The following PNLDC1 variants were observed in gnomAD, a reference collection of about 807,000 sequenced individuals.
PNLDC1 encodes PARN like ribonuclease domain containing exonuclease 1.
In PNLDC1, 70 loss-of-function variants were observed where a neutral mutation model predicts 82.0. The observed-to-expected ratio is 0.85, with a 90% CI of 0.70 to 1.04. The LOEUF (loss-of-function observed/expected upper bound fraction) is 1.04, where lower values mean the gene tolerates loss of function less well. Ranked by LOEUF, PNLDC1 falls within the 50% of genes least tolerant of loss-of-function variation. PNLDC1 has a pLI of 0.00. For synonymous variants in PNLDC1, 280 were observed against 249.3 expected (o/e 1.12, Z -1.16); for missense variants, 631 against 661.1 (o/e 0.95, Z 0.50).
rs560895797 is a variant in PNLDC1 at position 159,806,169 on chromosome 6, T to A, written c.562+86T>A. The stretch of plus-strand genomic sequence containing the variant: ...GGAGTTGGGGGAAACACACCCTTTC[T>A]TGGGATCCTGGTCCCAAGTGCCTCA... On this transcript the variant is annotated intron_variant, in intron 7 of 18. Coordinates refer to ENST00000392167, the MANE Select transcript of PNLDC1 (RefSeq NM_001271862.2). 3 of 1,041,824 alleles carry A rather than the reference T, an allele frequency of 2.9e-6. No homozygotes were observed. In the South Asian group the frequency reaches 3.8e-5, roughly 13 times the overall value. 64.5% of individuals were successfully genotyped at this position (1,041,824 alleles called of 1,614,324 possible). A position where few individuals can be genotyped will look rare whatever the true frequency, so the allele number is the denominator to read the frequency against.
At position 159,800,789 on chromosome 6, in the gene PNLDC1, A is replaced by G. The variant is rs1446680766; in HGVS notation, c.94A>G (p.Thr32Ala). 6.2e-7 allele frequency: 1 copy of G among 1,614,168 alleles called. No individual in the cohort carries two copies. Among genetic ancestry groups the G allele is most frequent in the Admixed American group, 1.7e-5 (1 of 60,022 alleles). The change falls in exon 2 of 19, where the codon ACG becomes GCG. Residue 32 changes from threonine (T) to alanine (A), a missense_variant. Coordinates refer to ENST00000392167, the MANE Select transcript of PNLDC1 (RefSeq NM_001271862.2). ...ADFVGLDIEF[T>A]GLRSNLSGPQ... The stretch of plus-strand genomic sequence containing the variant: ...CCTGGCAGGTCTGGACATAGAGTTC[A>G]CGGGCCTTCGTTCTAACCTGTCTGG...
Position 159,804,643 on chromosome 6 carries a change from G to A in PNLDC1, c.461+6G>A. The stretch of plus-strand genomic sequence containing the variant: ...GGGAACTGGAGAGTTCGCAGGTATG[G>A]CCTGTTTCTCCAGGTGCCTTTTTGT... On this transcript the variant is annotated splice_donor_region_variant and intron_variant, in intron 6 of 18. Transcript: ENST00000392167. 1.3e-6 allele frequency: 2 copies of A among 1,588,670 alleles called. No individual in the cohort carries two copies. The highest frequency in any genetic ancestry group is 1.7e-6 in the Non-Finnish European group (2 of 1,159,070).
chr6:159,800,850 C>T (rs368850759), intron 2 of PNLDC1, 21 bp downstream of exon 2: 4 of 1,613,874 alleles, frequency 2.5e-6, no homozygotes, highest in African/African-American at 1.3e-5. Context: ...AGCTGTGTCC[C>T]CTCTGTATAA....
chr6:159,799,727 A>G (rs988176208), upstream of PNLDC1, among the ~76,000 whole-genome samples: 1 of 152,142 alleles, frequency 6.6e-6, no homozygotes, highest in African/African-American at 2.4e-5. Flanking sequence ...CTTCAATTTA[A>G]TGGGCAGTTC....
At chr6:159,808,576 A>C (rs897875699) in intron 7 of PNLDC1, among the ~76,000 whole-genome samples, 164 bp from the exon 8 acceptor site, 2 of 150,040 alleles carry the variant, frequency 1.3e-5, no homozygotes. Flanking sequence ...AGATCCCATC[A>C]TGACAGGCCA....
chr6:159,816,702 G>T (rs1781845775), intron 14 of PNLDC1, 106 bp downstream of exon 14: 3 of 1,021,452 alleles, frequency 2.9e-6, no homozygotes, highest in African/African-American at 1.6e-5. Context: ...TGAGGATCTC[G>T]GCTCACTGCA....
chr6:159,804,674 T>C (rs1781383988), intron 6 of PNLDC1, 37 bp downstream of exon 6: 1 of 1,474,840 alleles, frequency 6.8e-7, no homozygotes, highest in Non-Finnish European at 9.5e-7. Flanking sequence ...TTTGTTTCCT[T>C]GTTGCTGTTG....
At position 159,800,295 on chromosome 6, in the gene PNLDC1, G is replaced by A. The variant is rs1372923768; in HGVS notation, c.-13G>A. On this transcript the variant is annotated 5_prime_UTR_variant, in exon 1 of 19. Coordinates refer to ENST00000392167, the MANE Select transcript of PNLDC1 (RefSeq NM_001271862.2). ...CGTGATAGCGCTGGGCGACTCCGCG[G>A]AGCTGCACGGCCATGGACGTGGGCG... is the stretch of plus-strand genomic sequence containing the variant. 4.5e-6 allele frequency: 7 copies of A among 1,544,646 alleles called. No individual in the cohort carries two copies. In the East Asian group the frequency reaches 1.2e-4, roughly 27 times the overall value.
intron 14 of PNLDC1, 121 bp downstream of exon 14, chr6:159,816,717 C>T: frequency 1.1e-6 from 1 of 870,878 alleles, no homozygotes; most frequent in Non-Finnish European, 1.8e-6. Context: ...ACTGCAGCCT[C>T]TACCTCCTGG....
At chr6:159,804,728 T>C (rs1781386283) in intron 6 of PNLDC1, 91 bp downstream of exon 6, 2 of 919,070 alleles carry the variant, frequency 2.2e-6, no homozygotes, top group Admixed American at 2.1e-5. Flanking sequence ...AGGAGTGTGG[T>C]GACCTCCATC....
intron 12 of PNLDC1, among the ~76,000 whole-genome samples, chr6:159,815,392 C>T (rs1042564041): frequency 9.9e-5 from 15 of 152,218 alleles, no homozygotes; most frequent in African/African-American, 3.6e-4. Context: ...TGTAGGGGCT[C>T]CTCCCCACCC....
In PNLDC1 at chr6:159,808,970, A is replaced by G. The variant is rs747662136; in HGVS notation, c.640-45A>G. The G allele has an allele frequency of 2.5e-6, 4 of 1,605,170 alleles. No individual in the cohort carries two copies. In the East Asian group the frequency reaches 8.9e-5, roughly 36 times the overall value. On this transcript the variant is annotated intron_variant, in intron 8 of 18. Transcript: ENST00000392167. The stretch of plus-strand genomic sequence containing the variant: ...ATGCAGAGCCATTTCTTTAGGCCTC[A>G]TTCCTAGTAACCCAGGATTCAGGGA...
rs1469444446 is a variant in PNLDC1 at position 159,800,328 on chromosome 6, G to C, written c.21G>C (p.Glu7Asp). 1 of 1,548,038 alleles carries C rather than the reference G, an allele frequency of 6.5e-7. No homozygotes were observed. The part of the protein sequence containing the change: MDVGAD[E>D]FEESLPLLQE... ...CGGCCATGGACGTGGGCGCCGACGA[G>C]TTCGAGGAGAGCCTCCCTCTGCTGC... Residue 7 changes from glutamate (E) to aspartate (D), a missense_variant, in exon 1 of 19, where the codon GAG (glutamate) becomes GAC (aspartate). Transcript: ENST00000392167.
chr6:159,810,739 G>T (rs1340876685), intron 10 of PNLDC1, among the ~76,000 whole-genome samples: 2 of 152,204 alleles, frequency 1.3e-5, no homozygotes, highest in Non-Finnish European at 2.9e-5. Flanking sequence ...TATCAGAGTT[G>T]TGAGATTAAA....
rs746656446 is a variant in PNLDC1 at position 159,813,610 on chromosome 6, T to C, written c.949T>C (p.Phe317Leu). The change falls in exon 12 of 19, where the codon TTC becomes CTC. Residue 317 changes from phenylalanine to leucine, a missense_variant. Phe to Leu is a conservative substitution (Grantham distance 22). Coordinates refer to ENST00000392167, the MANE Select transcript of PNLDC1 (RefSeq NM_001271862.2). ...TTTTCCATGATTGTAGGAGATGAAT[T>C]TCCCGAGGGTGTCGAATCTTTCGGA... Reference protein sequence around the residue: ...VTKDIWKEMNFPRVSNLSEVY... With the variant: ...VTKDIWKEMNLPRVSNLSEVY... The C allele has an allele frequency of 1.5e-5, 25 of 1,612,972 alleles. No homozygotes were observed. The highest frequency in any genetic ancestry group is 2.0e-5 in the Non-Finnish European group (24 of 1,178,948).
Position 159,811,855 on chromosome 6 carries a change from TG to T in PNLDC1, c.939+73del, listed in dbSNP as rs1781656226. On this transcript the variant is annotated intron_variant, in intron 11 of 18. Coordinates refer to ENST00000392167, the MANE Select transcript of PNLDC1 (RefSeq NM_001271862.2). The stretch of plus-strand genomic sequence containing the variant: ...ACCAGTAACACTTAGCTTTCTCTTG[TG>T]GGGTTTTTTTCTTGTGTTTTTTTGT... The T allele has an allele frequency of 5.8e-6, 7 of 1,198,506 alleles. No homozygotes were observed. In the South Asian group the frequency reaches 9.2e-5, roughly 16 times the overall value. The allele number at this position is 1,198,506 out of a possible 1,614,324, so 74.2% of individuals were successfully genotyped here. A position where few individuals can be genotyped will look rare whatever the true frequency, so the allele number is the denominator to read the frequency against.
intron 12 of PNLDC1, among the ~76,000 whole-genome samples, chr6:159,815,276 C>A (rs1781775646): frequency 6.6e-6 from 1 of 152,214 alleles, no homozygotes. Context: ...TGTGGCCTGC[C>A]CTCTTCATAC....
At chr6:159,809,206 T>C (rs1781562580) in intron 9 of PNLDC1, 48 bp downstream of exon 9, 1 of 1,595,012 alleles carries the variant, frequency 6.3e-7, no homozygotes. Context: ...TCTTTAGTAT[T>C]TCTGGTCATA....
chr6:159,815,898 G>C, intron 12 of PNLDC1, 71 bp from the exon 13 acceptor site: 1 of 1,181,668 alleles, frequency 8.5e-7, no homozygotes. Context: ...TAACTTAAGG[G>C]ACTGAGGGGG....
Sources: gnomAD v4.1 joint callset for allele counts (sites outside exome capture counted in the v4.1 genomes callset) on GRCh38, gnomAD v4.1.1 for gene constraint, MANE v1.5 for transcripts, NCBI Gene and HGNC (gene_info 2026-07-23, HGNC 2026-07-21) for gene names.